The following LRRC8C variants were observed in gnomAD, a reference collection of about 807,000 sequenced individuals.
The protein encoded by LRRC8C is volume-regulated anion channel subunit LRRC8C.
In LRRC8C, 20 loss-of-function variants were observed where a neutral mutation model predicts 55.3. That is an observed-to-expected ratio of 0.36 (90% CI 0.25 to 0.53). The LOEUF (loss-of-function observed/expected upper bound fraction) is 0.53. Among genes scored for constraint, LRRC8C ranks in the 20% least tolerant of loss-of-function variants. LRRC8C has a pLI of 0.92. For missense variants in LRRC8C, 659 were observed against 951.4 expected, an observed-to-expected ratio of 0.69 and a Z score of 4.04; for synonymous variants, 376 against 360.7, an observed-to-expected ratio of 1.04 and a Z score of -0.48.
At chr1:89,686,051 G>GT (rs1557661263) in intron 1 of LRRC8C, among the ~76,000 whole-genome samples, 12 of 119,788 alleles carry the variant, frequency 1.0e-4, no homozygotes, top group African/African-American at 4.1e-4. Flanking sequence ...ATGGTTTAAA[G>GT]CAAAAAAAAA....
At chr1:89,642,524 G>C (rs979279803) in intron 1 of LRRC8C, among the ~76,000 whole-genome samples, 1 of 152,066 alleles carries the variant, frequency 6.6e-6, no homozygotes, top group African/African-American at 2.4e-5. Flanking sequence ...AGACCAGCCT[G>C]GCCAACATGG....
rs1183984346 is a variant in LRRC8C, at chr1:89,672,376, AT to A, written c.-4-14093del. On this transcript the variant is annotated intron_variant, in intron 1 of 2. Transcript: ENST00000370454. Reference sequence around the variant, plus strand: ...GTTTACTGTCTGTCTTTCCACCATAATGCATGATTCATGAAGACGGGGATTA... The same window carrying A: ...GTTTACTGTCTGTCTTTCCACCATAAGCATGATTCATGAAGACGGGGATTA... 5.3e-5 allele frequency among the ~76,000 whole-genome samples: 8 copies of A among 152,136 alleles called. 1 individual carries two copies. Among genetic ancestry groups the A allele is most frequent in the African/African-American group, 1.9e-4 (8 of 41,424 alleles).
intron 1 of LRRC8C, among the ~76,000 whole-genome samples, chr1:89,637,002 G>A (rs1482680823): frequency 6.6e-6 from 1 of 152,036 alleles, no homozygotes; most frequent in African/African-American, 2.4e-5. Flanking sequence ...ACAATAATTA[G>A]GAAAGACACC....
At chr1:89,687,933 T>TA (rs1308692562) in intron 2 of LRRC8C, among the ~76,000 whole-genome samples, 7 of 152,218 alleles carry the variant, frequency 4.6e-5, no homozygotes, top group Admixed American at 1.3e-4. Context: ...AGTGAACACA[T>TA]ACTGCTTCCT....
chr1:89,671,479 G>A (rs1408024873), intron 1 of LRRC8C, among the ~76,000 whole-genome samples: 6 of 152,172 alleles, frequency 3.9e-5, no homozygotes, highest in African/African-American at 1.4e-4. Flanking sequence ...GGCCCTCATG[G>A]CAGGCTGACA....
At chr1:89,678,963 C>G (rs1306813931) in intron 1 of LRRC8C, among the ~76,000 whole-genome samples, 1 of 151,988 alleles carries the variant, frequency 6.6e-6, no homozygotes. Flanking sequence ...GAGGAGATGT[C>G]GAGTACGTAG....
intron 1 of LRRC8C, among the ~76,000 whole-genome samples, chr1:89,682,970 CAAAATGAATGAAGTGAT>C (rs1657763434): frequency 6.6e-6 from 1 of 152,150 alleles, no homozygotes. Flanking sequence ...TATATATCCT[CAAAATGAATGAAGTGAT>C]CCTGACACTT....
At chr1:89,622,478 G>A in the LRRC8C span, among the ~76,000 whole-genome samples, 2 of 151,914 alleles carry the variant, frequency 1.3e-5, no homozygotes, top group Non-Finnish European at 1.5e-5. Flanking sequence ...GACTACAGGC[G>A]CCCGCCAACA....
chr1:89,659,059 TTTTGTGTGTGTGTGTGTG>T lies in LRRC8C; in HGVS notation c.-5+25739_-5+25756del, dbSNP rs1266181294. 5.6e-3 allele frequency among the ~76,000 whole-genome samples: 331 copies of T among 59,252 alleles called. 12 individuals carry two copies. Among genetic ancestry groups the T allele is most frequent in the African/African-American group, 0.02 (317 of 16,208 alleles). 38.9% of individuals were successfully genotyped at this position (59,252 alleles called of 152,430 possible). ...TGTGTCTTCTCCAGGTTTTTTTTTT[TTTTGTGTGTGTGTGTGTG>T]TGTGTGTGTGTGTGTGTGTGTGTGT... On this transcript the variant is annotated intron_variant, in intron 1 of 2. Coordinates refer to ENST00000370454, the MANE Select transcript of LRRC8C (RefSeq NM_032270.5).
At chr1:89,676,324 T>C (rs1047613923) in intron 1 of LRRC8C, 1 of 152,236 alleles carries the variant, frequency 6.6e-6, no homozygotes, top group Non-Finnish European at 1.5e-5. Flanking sequence ...ACATCCTGTT[T>C]AGCAGTAGTG....
At chr1:89,638,813 G>A (rs1427925577) in intron 1 of LRRC8C, among the ~76,000 whole-genome samples, 5 of 151,880 alleles carry the variant, frequency 3.3e-5, no homozygotes, top group South Asian at 2.1e-4. Flanking sequence ...GAAGCCCTCC[G>A]CAAACTTCAG....
chr1:89,634,764 T>C (rs1327592115), intron 1 of LRRC8C, among the ~76,000 whole-genome samples: 3 of 152,210 alleles, frequency 2.0e-5, no homozygotes, highest in South Asian at 2.1e-4. Context: ...ACAGCTCTAG[T>C]CTAGGATATT....
chr1:89,694,836 C>T (rs1658126281), intron 2 of LRRC8C, among the ~76,000 whole-genome samples: 1 of 151,756 alleles, frequency 6.6e-6, no homozygotes, highest in Non-Finnish European at 1.5e-5. Context: ...GATCCACCCG[C>T]CTCAGCCTCC....
intron 1 of LRRC8C, among the ~76,000 whole-genome samples, chr1:89,645,659 A>G (rs1656590112): frequency 6.6e-6 from 1 of 152,170 alleles, no homozygotes; most frequent in African/African-American, 2.4e-5. Context: ...GAGTATAACA[A>G]TATAGATGAT....
intron 1 of LRRC8C, among the ~76,000 whole-genome samples, chr1:89,653,045 C>T (rs976624194): frequency 3.3e-5 from 5 of 152,062 alleles, no homozygotes; most frequent in African/African-American, 9.7e-5. Flanking sequence ...GCTGTAGGCT[C>T]ATGAAGTGTC....
intron 2 of LRRC8C, among the ~76,000 whole-genome samples, chr1:89,697,701 G>A (rs1038719850): frequency 6.6e-6 from 1 of 152,082 alleles, no homozygotes; most frequent in African/African-American, 2.4e-5. Flanking sequence ...ATAATTCACT[G>A]GTCTTTATGG....
chr1:89,669,737 G>A (rs903783755), intron 1 of LRRC8C, among the ~76,000 whole-genome samples: 1 of 152,150 alleles, frequency 6.6e-6, no homozygotes, highest in East Asian at 1.9e-4. Flanking sequence ...TCAGTGCCAT[G>A]CTCCCAACCA....
intron 1 of LRRC8C, chr1:89,676,332 G>A (rs1172645744): frequency 6.6e-6 from 1 of 152,216 alleles, no homozygotes; most frequent in Non-Finnish European, 1.5e-5. Flanking sequence ...TTTAGCAGTA[G>A]TGACAGAACA....
chr1:89,700,935 T>C (rs919895480), intron 2 of LRRC8C, among the ~76,000 whole-genome samples: 1 of 152,202 alleles, frequency 6.6e-6, no homozygotes, highest in Non-Finnish European at 1.5e-5. Context: ...CCACCTATTT[T>C]ATCATACACT....
Sources: allele counts gnomAD v4.1 joint callset (sites outside exome capture counted in the v4.1 genomes callset), GRCh38; gene constraint gnomAD v4.1.1; transcripts MANE v1.5; gene names NCBI Gene and HGNC (gene_info 2026-07-23, HGNC 2026-07-21).